LPAR1: variants seen among roughly 807,000 people sequenced by gnomAD.
LPAR1 encodes the protein lysophosphatidic acid receptor 1.
A neutral mutation model predicts 23.8 loss-of-function variants in LPAR1; 5 were observed. The ratio of observed to expected loss-of-function variants is 0.21; its 90% CI spans 0.11 to 0.44. LPAR1 has a LOEUF of 0.44. Among genes scored for constraint, LPAR1 ranks in the 20% least tolerant of loss-of-function variants. The pLI is 0.99. For synonymous variants in LPAR1, 160 were observed against 164.7 expected, an observed-to-expected ratio of 0.97 and a Z score of 0.22; for missense variants, 311 against 482.8, an observed-to-expected ratio of 0.64 and a Z score of 3.33.
intron 2 of LPAR1, among the ~76,000 whole-genome samples, chr9:110,977,809 AGGG>A (rs879565747): frequency 0.27 from 29,289 of 109,840 alleles, 5,338 homozygotes; most frequent in African/African-American, 0.39. Context: ...GGAAGGAAGG[AGGG>A]AGGGAGGGCG....
intron 5 of LPAR1, among the ~76,000 whole-genome samples, chr9:110,925,283 TAAAG>T (rs1406328035): frequency 6.6e-6 from 1 of 150,872 alleles, no homozygotes; most frequent in Non-Finnish European, 1.5e-5. Context: ...TCCATATATA[TAAAG>T]ATTGTCTGGC....
chr9:111,027,430 G>C (rs762082264), intron 2 of LPAR1, among the ~76,000 whole-genome samples: 4 of 152,182 alleles, frequency 2.6e-5, no homozygotes, highest in Non-Finnish European at 5.9e-5. Flanking sequence ...GAGCCCAGGA[G>C]TTTGAGGCCA....
chr9:110,894,156 T>C (rs2085479474), intron 5 of LPAR1, among the ~76,000 whole-genome samples: 1 of 152,094 alleles, frequency 6.6e-6, no homozygotes. Context: ...AAGAAGCTAG[T>C]TAGCGGGGAG....
chr9:110,971,798 A>C (rs1294977930), intron 4 of LPAR1, among the ~76,000 whole-genome samples: 1 of 140,268 alleles, frequency 7.1e-6, no homozygotes, highest in African/African-American at 2.6e-5. Context: ...TTTGATTTAG[A>C]GTTTGATGCC....
intron 5 of LPAR1, among the ~76,000 whole-genome samples, chr9:110,892,307 G>A (rs1056285426): frequency 1.3e-5 from 2 of 152,194 alleles, no homozygotes; most frequent in African/African-American, 4.8e-5. Flanking sequence ...GGAAGAGGTT[G>A]ACCAACACTA....
rs2078720202 is a variant in LPAR1 at position 110,874,566 on chromosome 9, TTTCCTCTG to T, written c.*847_*854del. On this transcript the variant is annotated 3_prime_UTR_variant, in exon 6 of 6. Coordinates refer to ENST00000683809, the MANE Select transcript of LPAR1 (RefSeq NM_001351411.2). Reference sequence around the variant, plus strand: ...ATTATTTTACAAAGACTACGAAAATTTTCCTCTGATATACTGGTAATTAGAATGTACTT... The same window carrying T: ...ATTATTTTACAAAGACTACGAAAATTATATACTGGTAATTAGAATGTACTT... 6.6e-6 allele frequency: 1 copy of T among 152,588 alleles called. No homozygotes were observed. The highest frequency in any genetic ancestry group is 1.5e-5 in the Non-Finnish European group (1 of 68,014). 9.5% of individuals were successfully genotyped at this position (152,588 alleles called of 1,614,324 possible). A position where few individuals can be genotyped will look rare whatever the true frequency, so the allele number is the denominator to read the frequency against.
chr9:110,920,971 A>T (rs544837431), intron 5 of LPAR1, among the ~76,000 whole-genome samples: 215 of 148,730 alleles, frequency 1.4e-3, no homozygotes, highest in Non-Finnish European at 2.6e-3. Context: ...ACAACAACAA[A>T]TTTTTTTTTT....
chr9:111,008,481 T>C (rs1361157973), intron 2 of LPAR1, among the ~76,000 whole-genome samples: 1 of 152,174 alleles, frequency 6.6e-6, no homozygotes, highest in African/African-American at 2.4e-5. Context: ...CAGCCGATTA[T>C]ATCCCAATAA....
chr9:110,960,297 T>C (rs1269710782), intron 4 of LPAR1, among the ~76,000 whole-genome samples: 3 of 152,172 alleles, frequency 2.0e-5, no homozygotes, highest in African/African-American at 7.2e-5. Flanking sequence ...TGTAATAAAA[T>C]ATCACATGTA....
intron 5 of LPAR1, among the ~76,000 whole-genome samples, chr9:110,925,017 C>T (rs976474028): frequency 1.3e-5 from 2 of 152,106 alleles, no homozygotes; most frequent in African/African-American, 2.4e-5. Context: ...GTCTGACTCC[C>T]ATTCTCCCTG....
At chr9:110,888,795 T>C (rs1321481975) in intron 5 of LPAR1, among the ~76,000 whole-genome samples, 1 of 152,158 alleles carries the variant, frequency 6.6e-6, no homozygotes, top group African/African-American at 2.4e-5. Context: ...AGACACATTT[T>C]GACCATACAG....
At chr9:110,984,404 G>A (rs1588684973) in intron 2 of LPAR1, among the ~76,000 whole-genome samples, 1 of 151,996 alleles carries the variant, frequency 6.6e-6, no homozygotes, top group East Asian at 1.9e-4. Context: ...CAAATGACAA[G>A]ATCTTATTCC....
chr9:110,968,944 A>C (rs902198606), intron 4 of LPAR1, among the ~76,000 whole-genome samples: 17 of 152,108 alleles, frequency 1.1e-4, no homozygotes, highest in Non-Finnish European at 2.5e-4. Flanking sequence ...AGGCACTAAG[A>C]GGGTGGATAC....
chr9:110,966,451 C>T (rs1230448239), intron 4 of LPAR1, among the ~76,000 whole-genome samples: 1 of 150,656 alleles, frequency 6.6e-6, no homozygotes, highest in Non-Finnish European at 1.5e-5. Flanking sequence ...TGCACTCCAG[C>T]CTGGGCAACA....
rs143628033 is a variant in LPAR1, at chr9:111,019,028, T to C, written c.-182+17094A>G. Among the ~76,000 whole-genome samples the C allele has an allele frequency of 7.4e-4, 113 of 152,278 alleles. No individual in the cohort carries two copies. In the East Asian group the frequency reaches 0.018, roughly 25 times the overall value. On this transcript the variant is annotated intron_variant, in intron 2 of 5. Transcript: ENST00000683809. Reference sequence around the variant, plus strand: ...CACATTTGTTACTTCTAGGTAGAAGTAGACCATAAAATAGAACATAATAGA... The same window carrying C: ...CACATTTGTTACTTCTAGGTAGAAGCAGACCATAAAATAGAACATAATAGA...
In LPAR1 at chr9:110,875,351, G is replaced by T; in HGVS notation, c.*70C>A. On this transcript the variant is annotated 3_prime_UTR_variant, in exon 6 of 6. Coordinates refer to ENST00000683809, the MANE Select transcript of LPAR1 (RefSeq NM_001351411.2). The stretch of plus-strand genomic sequence containing the variant: ...CCTCTCTCACACCCCACCTTGCCCT[G>T]GCAATTGGGTAGGGGGAGGCTGTTT... 1 of 1,370,384 alleles carries T rather than the reference G, an allele frequency of 7.3e-7. No homozygotes were observed. Among genetic ancestry groups the T allele is most frequent in the East Asian group, 2.5e-5 (1 of 40,728 alleles). The allele number at this position is 1,370,384 out of a possible 1,614,324, so 84.9% of individuals were successfully genotyped here.
intron 2 of LPAR1, among the ~76,000 whole-genome samples, chr9:110,990,776 CA>C (rs1388812013): frequency 1.3e-5 from 2 of 151,756 alleles, no homozygotes; most frequent in Admixed American, 1.3e-4. Flanking sequence ...AAAACAAATC[CA>C]AAAGATGTTT....
chr9:110,959,815 T>C (rs2095893762), intron 4 of LPAR1, among the ~76,000 whole-genome samples: 1 of 151,974 alleles, frequency 6.6e-6, no homozygotes, highest in Admixed American at 6.6e-5. Flanking sequence ...TATCTGGTCA[T>C]AAAAAAGAAT....
intron 5 of LPAR1, among the ~76,000 whole-genome samples, chr9:110,904,408 T>C (rs2090505041): frequency 6.6e-6 from 1 of 152,152 alleles, no homozygotes; most frequent in African/African-American, 2.4e-5. Context: ...TGGTAAAATG[T>C]TGATATCAGT....
Sources: gnomAD v4.1 joint callset for allele counts (sites outside exome capture counted in the v4.1 genomes callset) on GRCh38, gnomAD v4.1.1 for gene constraint, MANE v1.5 for transcripts, NCBI Gene and HGNC (gene_info 2026-07-23, HGNC 2026-07-21) for gene names.